The following NFX1 variants were observed in gnomAD, a reference collection of about 807,000 sequenced individuals.
The protein encoded by NFX1 is transcriptional repressor NF-X1.
Under a neutral mutation model 137.2 loss-of-function variants are expected in NFX1, and 69 were observed. That is an observed-to-expected ratio of 0.50 (90% CI 0.41 to 0.61). The LOEUF is 0.61. Among genes scored for constraint, NFX1 ranks in the 20% least tolerant of loss-of-function variants. The pLI is 0.00. For missense variants in NFX1, 1,167 were observed against 1,391.0 expected (o/e 0.84, Z 2.56); for synonymous variants, 495 against 474.1 (o/e 1.04, Z -0.57).
chr9:33,348,620 T>G (rs1222399594), intron 15 of NFX1: 1 of 294,632 alleles, frequency 3.4e-6, no homozygotes, highest in African/African-American at 2.3e-5. Flanking sequence ...CATGTGCTGT[T>G]GGAAAAGTGG....
intron 19 of NFX1, among the ~76,000 whole-genome samples, chr9:33,362,813 C>G (rs1824043650): frequency 6.7e-6 from 1 of 148,514 alleles, no homozygotes; most frequent in Admixed American, 6.9e-5. Context: ...AAGCGATTCT[C>G]CTGCCCCAGC....
chr9:33,343,390 C>T (rs1037735818), intron 13 of NFX1, among the ~76,000 whole-genome samples: 11 of 151,896 alleles, frequency 7.2e-5, no homozygotes, highest in African/African-American at 1.5e-4. Flanking sequence ...AGTAGAATAG[C>T]GGATACTTGG....
intron 19 of NFX1, among the ~76,000 whole-genome samples, chr9:33,360,245 A>C (rs1486394800): frequency 1.3e-5 from 2 of 152,218 alleles, no homozygotes; most frequent in East Asian, 1.9e-4. Flanking sequence ...GATTGTCTGG[A>C]TTTGAATCCT....
chr9:33,312,674 C>A (rs1822005114), intron 6 of NFX1, among the ~76,000 whole-genome samples: 1 of 152,172 alleles, frequency 6.6e-6, no homozygotes, highest in South Asian at 2.1e-4. Flanking sequence ...AGTTCGAGAC[C>A]AGGTGGGCCA....
chr9:33,369,764 G>GA (rs1051885820), intron 23 of NFX1, 142 bp from the exon 24 acceptor site: 2 of 702,476 alleles, frequency 2.8e-6, no homozygotes, highest in Non-Finnish European at 4.8e-6. Flanking sequence ...AGGGCAGAAG[G>GA]AAAAAAAGTA....
In NFX1 at chr9:33,338,490, T is replaced by C. The variant is rs747679809; in HGVS notation, c.2036-20T>C. The C allele has an allele frequency of 6.2e-7, 1 of 1,605,964 alleles. No homozygotes were observed. Among genetic ancestry groups the C allele is most frequent in the Admixed American group, 1.7e-5 (1 of 58,878 alleles). On this transcript the variant is annotated intron_variant, in intron 11 of 23. Coordinates refer to ENST00000379540, the MANE Select transcript of NFX1 (RefSeq NM_002504.6). The stretch of plus-strand genomic sequence containing the variant: ...TATCCTTTGTCTGGTTTTTTTTTTC[T>C]TTTTAATTTGCCACAGCAGATGCTA...
chr9:33,302,724 C>T (rs1222447135), intron 3 of NFX1, among the ~76,000 whole-genome samples: 1 of 151,376 alleles, frequency 6.6e-6, no homozygotes, highest in East Asian at 1.9e-4. Context: ...GGCTGGAGTG[C>T]AGTGGCACGA....
intron 18 of NFX1, among the ~76,000 whole-genome samples, chr9:33,354,499 G>A (rs1823748802): frequency 6.6e-6 from 1 of 152,172 alleles, no homozygotes; most frequent in African/African-American, 2.4e-5. Flanking sequence ...AGATTGGGCT[G>A]TTAAGAGGGG....
chr9:33,341,520 A>G (rs1449188268), intron 12 of NFX1, among the ~76,000 whole-genome samples: 3 of 152,228 alleles, frequency 2.0e-5, no homozygotes, highest in African/African-American at 4.8e-5. Flanking sequence ...GTACGTGTGT[A>G]TGTATGTATA....
chr9:33,309,715 A>G (rs1404517633), intron 5 of NFX1, among the ~76,000 whole-genome samples: 1 of 151,672 alleles, frequency 6.6e-6, no homozygotes, highest in Non-Finnish European at 1.5e-5. Flanking sequence ...GCACCCTTGA[A>G]CTCCTGGGCT....
At position 33,352,678 on chromosome 9, in the gene NFX1, A is replaced by G. The variant is rs1823679758; in HGVS notation, c.2688A>G (p.Lys896=). Reference sequence around the variant, plus strand: ...TACAGTGTGAATGTGGACGAAGAAAAGAGATGGTGATTTGCTCTGAAGCAT... The same window carrying G: ...TACAGTGTGAATGTGGACGAAGAAAGGAGATGGTGATTTGCTCTGAAGCAT... ...VELQCECGRR[K]EMVICSEASS... is the part of the protein sequence containing the mutation. The change falls in exon 17 of 24, where the codon AAA becomes AAG. Residue 896 remains lysine, a synonymous_variant. Coordinates refer to ENST00000379540, the MANE Select transcript of NFX1 (RefSeq NM_002504.6). The G allele has an allele frequency of 6.2e-7, 1 of 1,614,088 alleles. No individual in the cohort carries two copies. The highest frequency in any genetic ancestry group is 2.2e-5 in the East Asian group (1 of 44,906).
chr9:33,352,266 G>A (rs1823663869), intron 16 of NFX1, among the ~76,000 whole-genome samples: 1 of 152,188 alleles, frequency 6.6e-6, no homozygotes, highest in Non-Finnish European at 1.5e-5. Flanking sequence ...AGGTAAATGG[G>A]AGGTTAAGCC....
rs370192803 is a variant in NFX1 at position 33,359,560 on chromosome 9, C to A, written c.2874-4450C>A. On this transcript the variant is annotated intron_variant, in intron 19 of 23. Coordinates refer to ENST00000379540, the MANE Select transcript of NFX1 (RefSeq NM_002504.6). ...GGTGCAGTGAGCCGAGATGGCGCCA[C>A]CACACTCTAGCCTAGACGATACAGC... 4.6e-5 allele frequency among the ~76,000 whole-genome samples: 7 copies of A among 152,082 alleles called. No homozygotes were observed. In the East Asian group the frequency reaches 1.2e-3, roughly 25 times the overall value.
chr9:33,363,191 C>T (rs972144874), intron 19 of NFX1, among the ~76,000 whole-genome samples: 12 of 151,408 alleles, frequency 7.9e-5, no homozygotes, highest in African/African-American at 2.9e-4. Context: ...TGTACCGAGA[C>T]ATCAACATCA....
rs749019010 is a variant in NFX1, at chr9:33,364,059, A to G, written c.2923A>G (p.Ile975Val). ...CAGTGAGGATTCTGATCCTTTCAAT[A>G]TACGTTCTTCAGGGTCAAAATTCAG... ...HISEDSDPFN[I>V]RSSGSKFSDS... Residue 975 changes from isoleucine to valine, a missense_variant, in exon 20 of 24, where the codon ATA becomes GTA. Ile to Val is a conservative substitution (Grantham distance 29). This residue lies in a region of NFX1 where 312 missense variants were observed against 312.8 expected (regional missense o/e 1.00). Transcript: ENST00000379540. 11 of 1,606,800 alleles carry G rather than the reference A, an allele frequency of 6.8e-6. No homozygotes were observed. The highest frequency in any genetic ancestry group is 4.0e-5 in the African/African-American group (3 of 74,536).
chr9:33,353,683 C>CTTTT (rs111306917), intron 17 of NFX1, among the ~76,000 whole-genome samples: 19 of 110,090 alleles, frequency 1.7e-4, no homozygotes, highest in East Asian at 2.8e-4. Flanking sequence ...GATAGATTTG[C>CTTTT]TTTTTTTTTT....
intron 14 of NFX1, among the ~76,000 whole-genome samples, chr9:33,345,609 C>T (rs1823392545): frequency 6.6e-6 from 1 of 152,124 alleles, no homozygotes; most frequent in African/African-American, 2.4e-5. Context: ...TGCATTTTTT[C>T]CCCAATGTAA....
chr9:33,354,463 A>G (rs1823747575), intron 18 of NFX1, among the ~76,000 whole-genome samples: 1 of 152,202 alleles, frequency 6.6e-6, no homozygotes, highest in Non-Finnish European at 1.5e-5. Flanking sequence ...TAGAGAACCC[A>G]GAGAGGTGGC....
intron 23 of NFX1, among the ~76,000 whole-genome samples, chr9:33,369,141 C>G (rs370460644): frequency 6.6e-6 from 1 of 152,122 alleles, no homozygotes; most frequent in African/African-American, 2.4e-5. Context: ...TCTCAGCTCA[C>G]TGCAAGCTCC....
Sources: gnomAD v4.1 joint callset for allele counts (sites outside exome capture counted in the v4.1 genomes callset) on GRCh38, gnomAD v4.1.1 for gene constraint, gnomAD v4.1.1 regional missense constraint, MANE v1.5 for transcripts, NCBI Gene and HGNC (gene_info 2026-07-23, HGNC 2026-07-21) for gene names.